Variants in RDH16 observed in about 807,000 individuals in gnomAD.
RDH16 encodes human epidermal retinol dehydrogenase.
A neutral mutation model predicts 22.3 loss-of-function variants in RDH16; 25 were observed. The observed-to-expected ratio is 1.12, with a 90% CI of 0.82 to 1.56. The LOEUF (loss-of-function observed/expected upper bound fraction) is 1.56, where lower values mean the gene tolerates loss of function less well. RDH16 is among the 40% of genes most tolerant of loss of function. The pLI is 0.00. For synonymous variants in RDH16, 154 were observed against 164.4 expected (o/e 0.94, Z 0.48); for missense variants, 413 against 394.9 (o/e 1.05, Z -0.39).
intron 1 of RDH16, 115 bp from the exon 2 acceptor site, chr12:56,955,279 G>A: frequency 7.8e-7 from 1 of 1,279,410 alleles, no homozygotes; most frequent in Non-Finnish European, 1.1e-6. Context: ...GTGTGGGATG[G>A]GGAGGAGGGT....
rs202052597 is a variant in RDH16 at position 56,953,024 on chromosome 12, G to A, written c.573-34C>T. ...CAGAGAAGCAGAGGGGAAAAACTTC[G>A]GGGGTCTTGGAAGGTAAAACACAAA... is the stretch of plus-strand genomic sequence containing the variant. On this transcript the variant is annotated intron_variant, in intron 2 of 3. Transcript: ENST00000398138. 924 of 1,575,676 alleles carry A rather than the reference G, an allele frequency of 5.9e-4. 1 individual carries two copies. The highest frequency in any genetic ancestry group is 6.7e-4 in the Non-Finnish European group (778 of 1,161,312).
At chr12:56,953,653 G>A (rs1045088592) in intron 2 of RDH16, among the ~76,000 whole-genome samples, 1 of 152,182 alleles carries the variant, frequency 6.6e-6, no homozygotes, top group Non-Finnish European at 1.5e-5. Context: ...TGCAGTACAT[G>A]CAGGTGGCTA....
chr12:56,954,142 G>A (rs7314262), intron 2 of RDH16, among the ~76,000 whole-genome samples: 47,821 of 152,092 alleles, frequency 0.31, 9,883 homozygotes, highest in African/African-American at 0.59. Context: ...AAGAGCCCCA[G>A]AGCCAGGCAC....
At position 56,957,390 on chromosome 12, in the gene RDH16, T is replaced by G; in HGVS notation, c.73A>C (p.Ser25Arg). The G allele has an allele frequency of 1.9e-6, 3 of 1,614,074 alleles. No homozygotes were observed. Among genetic ancestry groups the G allele is most frequent in the Middle Eastern group, 1.6e-4 (1 of 6,062 alleles). The change falls in exon 1 of 4, where the codon AGC becomes CGC. Residue 25 changes from serine (S) to arginine (R), a missense_variant. Coordinates refer to ENST00000398138, the MANE Select transcript of RDH16 (RefSeq NM_003708.5). ...LHWYRERQVL[S>R]HLRDKYVFIT... ...AACACATACTTATCTCTCAGGTGGC[T>G]CAGCACCTGCCTCTCCCGGTACCAG...
intron 2 of RDH16, among the ~76,000 whole-genome samples, chr12:56,954,527 G>C (rs775951948): frequency 3.3e-5 from 5 of 152,214 alleles, no homozygotes; most frequent in Non-Finnish European, 7.4e-5. Context: ...CCTGGGATTA[G>C]TCATTGATAC....
chr12:56,955,275 G>GA, intron 1 of RDH16, 111 bp from the exon 2 acceptor site: 2 of 1,316,266 alleles, frequency 1.5e-6, no homozygotes, highest in Non-Finnish European at 2.1e-6. Context: ...ACAGGTGTGG[G>GA]ATGGGGAGGA....
intron 1 of RDH16, among the ~76,000 whole-genome samples, chr12:56,956,325 A>C (rs1034562352): frequency 1.3e-5 from 2 of 152,204 alleles, no homozygotes; most frequent in African/African-American, 4.8e-5. Flanking sequence ...TAAATAATTA[A>C]ATATAATTTT....
intron 1 of RDH16, among the ~76,000 whole-genome samples, chr12:56,956,421 T>C (rs780409325): frequency 2.0e-5 from 3 of 152,222 alleles, no homozygotes; most frequent in Non-Finnish European, 4.4e-5. Context: ...TATAAAATCC[T>C]AATTTTGTAT....
chr12:56,954,400 TC>T (rs1264377984), intron 2 of RDH16, among the ~76,000 whole-genome samples: 1 of 152,190 alleles, frequency 6.6e-6, no homozygotes, highest in Admixed American at 6.5e-5. Context: ...CTGTAGCTGA[TC>T]TTTCTCTGCT....
chr12:56,955,904 C>T (rs1328851672), intron 1 of RDH16, among the ~76,000 whole-genome samples: 1 of 152,170 alleles, frequency 6.6e-6, no homozygotes. Flanking sequence ...CTTCATCCTT[C>T]CCTTTAGTCC....
chr12:56,954,867 A>G, intron 2 of RDH16, 39 bp downstream of exon 2: 1 of 1,609,306 alleles, frequency 6.2e-7, no homozygotes, highest in South Asian at 1.1e-5. Flanking sequence ...CAAGGACAGG[A>G]GCAGGAAGAC....
chr12:56,954,650 T>G (rs901799551), intron 2 of RDH16, among the ~76,000 whole-genome samples: 15 of 152,310 alleles, frequency 9.8e-5, no homozygotes, highest in African/African-American at 2.6e-4. Flanking sequence ...GACCAAGAGA[T>G]CCATCCAGGG....
rs1270327031 is a variant in RDH16, at chr12:56,952,198, G to A, written c.785C>T (p.Ser262Leu). The change falls in exon 4 of 4, where the codon TCG (serine) becomes TTG (leucine). Residue 262 changes from serine (S) to leucine (L), a missense_variant. By Grantham distance (145) the Ser-to-Leu change is moderately radical. Transcript: ENST00000398138. ...QMEQKCTQDL[S>L]LVTNCMEHAL... Reference sequence around the variant, plus strand: ...ATGCTCCATGCAGTTGGTCACCAACGACAGATCCTGTGTGCACTTCTGCTC... The same window carrying A: ...ATGCTCCATGCAGTTGGTCACCAACAACAGATCCTGTGTGCACTTCTGCTC... 8 of 1,614,144 alleles carry A rather than the reference G, an allele frequency of 5.0e-6. No homozygotes were observed. The highest frequency in any genetic ancestry group is 1.3e-5 in the African/African-American group (1 of 75,026).
chr12:56,956,598 AAAG>A (rs1163942446), intron 1 of RDH16, among the ~76,000 whole-genome samples: 1 of 152,176 alleles, frequency 6.6e-6, no homozygotes. Flanking sequence ...AGTGTAGTGA[AAAG>A]AAGAAAGAAA....
At chr12:56,952,499 C>T (rs1955890232) in intron 3 of RDH16, among the ~76,000 whole-genome samples, 1 of 152,198 alleles carries the variant, frequency 6.6e-6, no homozygotes, top group Non-Finnish European at 1.5e-5. Context: ...TCTCCACCCA[C>T]AGTAGAAGTC....
chr12:56,956,177 A>C (rs551209000), intron 1 of RDH16, among the ~76,000 whole-genome samples: 1 of 152,202 alleles, frequency 6.6e-6, no homozygotes, highest in East Asian at 1.9e-4. Context: ...TCCAATCAAT[A>C]CTCACACTTA....
At position 56,957,154 on chromosome 12, in the gene RDH16, G is replaced by T; in HGVS notation, c.309C>A (p.Asp103Glu). The change falls in exon 1 of 4, where the codon GAC becomes GAA. Residue 103 changes from aspartate (D) to glutamate (E), a missense_variant. Transcript: ENST00000398138. ...TTGACAAACCTGGGTGGTTACCTTT[G>T]TCTCTCACGCACTCCTTCACCCACT... ...AAQWVKECVR[D>E]KGLWGLVNNA... 2.5e-6 allele frequency: 4 copies of T among 1,606,264 alleles called. No individual in the cohort carries two copies. Among genetic ancestry groups the T allele is most frequent in the Non-Finnish European group, 2.6e-6 (3 of 1,174,116 alleles).
chr12:56,954,699 C>T (rs868492982), intron 2 of RDH16, among the ~76,000 whole-genome samples: 52 of 152,220 alleles, frequency 3.4e-4, no homozygotes, highest in Admixed American at 7.9e-4. Flanking sequence ...CCTGGGGCCC[C>T]TCCTGTCGCC....
At position 56,952,032 on chromosome 12, in the gene RDH16, T is replaced by C. The variant is rs746078954; in HGVS notation, c.951A>G (p.Leu317=). ...AACCATGCATCCAACCTTAGCTTCA[T>C]AGAGCCTTGGCCGGGCTTGGAGAGA... ...YWVSPSPAKA[L] Residue 317 remains leucine (L), a synonymous_variant, in exon 4 of 4, where the codon CTA becomes CTG. Coordinates refer to ENST00000398138, the MANE Select transcript of RDH16 (RefSeq NM_003708.5). 12 of 1,613,686 alleles carry C rather than the reference T, an allele frequency of 7.4e-6. No homozygotes were observed. In the East Asian group the frequency reaches 2.0e-4, roughly 27 times the overall value.
Sources: gnomAD v4.1 joint callset for allele counts (sites outside exome capture counted in the v4.1 genomes callset) on GRCh38, gnomAD v4.1.1 for gene constraint, MANE v1.5 for transcripts, NCBI Gene and HGNC (gene_info 2026-07-23, HGNC 2026-07-21) for gene names.